ZNF468: variants seen among roughly 807,000 people sequenced by gnomAD.
ZNF468 encodes the protein zinc finger protein 468, also known as zinc finger protein ZNF468.
ZNF468 carries 8 observed loss-of-function variants against 7.2 expected under a neutral mutation model. The observed-to-expected ratio is 1.11, with a 90% CI of 0.65 to 2.01. The LOEUF (loss-of-function observed/expected upper bound fraction) is 2.01. Ranked by LOEUF, ZNF468 falls within the 30% of genes most tolerant of loss-of-function variation. ZNF468 has a pLI of 0.00. For missense variants in ZNF468, 608 were observed against 626.5 expected, an observed-to-expected ratio of 0.97 and a Z score of 0.31; for synonymous variants, 218 against 214.4, an observed-to-expected ratio of 1.02 and a Z score of -0.15.
At position 52,841,488 on chromosome 19, in the gene ZNF468, T is replaced by C. The variant is rs2063299627; in HGVS notation, c.806A>G (p.Lys269Arg). 6.2e-7 allele frequency: 1 copy of C among 1,613,776 alleles called. No individual in the cohort carries two copies. Among genetic ancestry groups the C allele is most frequent in the East Asian group, 2.2e-5 (1 of 44,878 alleles). The stretch of plus-strand genomic sequence containing the variant: ...GCCACACTCATTACACTTGTAAGGT[T>C]TCTCACCAGTGTGACATCTACGATG... ...ACHRRCHTGE[K>R]PYKCNECGKT... The change falls in exon 4 of 4, where the codon AAA becomes AGA. Residue 269 changes from lysine (K) to arginine (R), a missense_variant. Transcript: ENST00000595646.
chr19:52,852,834 T>TA (rs201729526), intron 2 of ZNF468, among the ~76,000 whole-genome samples: 2 of 149,228 alleles, frequency 1.3e-5, no homozygotes, highest in East Asian at 2.0e-4. Flanking sequence ...AAAAAATATA[T>TA]AAAATTTTTT....
chr19:52,842,391 AAC>A lies in ZNF468; in HGVS notation c.143-242_143-241del, dbSNP rs573937131. On this transcript the variant is annotated intron_variant, in intron 3 of 3. Coordinates refer to ENST00000595646, the MANE Select transcript of ZNF468 (RefSeq NM_001008801.2). ...CATGACAAAACACTGACAGGGCACA[AAC>A]ACGTGTGAGTCTAAAGAAAGGAGTG... Among the ~76,000 whole-genome samples the A allele has an allele frequency of 5.5e-3, 835 of 152,270 alleles. 10 individuals are homozygous for A. The highest frequency in any genetic ancestry group is 0.019 in the African/African-American group (801 of 41,546).
chr19:52,851,378 C>T (rs1159881550), intron 2 of ZNF468, among the ~76,000 whole-genome samples: 1 of 152,072 alleles, frequency 6.6e-6, no homozygotes, highest in Non-Finnish European at 1.5e-5. Context: ...AAATGGAAAC[C>T]ATCTTGGCTA....
Position 52,840,940 on chromosome 19 carries a change from A to C in ZNF468, c.1354T>G (p.Ser452Ala). Residue 452 changes from serine (S) to alanine (A), a missense_variant, in exon 4 of 4, where the codon TCA becomes GCA. By Grantham distance (99) the Ser-to-Ala change is moderately conservative. Transcript: ENST00000595646. ...KVCDKAFQRD[S>A]HLAQHQRVHT... is the part of the protein sequence containing the mutation. Reference sequence around the variant, plus strand: ...ACTCTCTGATGTTGTGCCAGGTGTGAATCCCTCTGGAAAGCCTTGTCACAA... The same window carrying C: ...ACTCTCTGATGTTGTGCCAGGTGTGCATCCCTCTGGAAAGCCTTGTCACAA... 1 of 1,613,816 alleles carries C rather than the reference A, an allele frequency of 6.2e-7. No homozygotes were observed. The highest frequency in any genetic ancestry group is 8.5e-7 in the Non-Finnish European group (1 of 1,179,920).
chr19:52,840,834 C>T lies in ZNF468; in HGVS notation c.1460G>A (p.Arg487Lys). 1 of 1,595,514 alleles carries T rather than the reference C, an allele frequency of 6.3e-7. No homozygotes were observed. The highest frequency in any genetic ancestry group is 2.3e-5 in the East Asian group (1 of 44,196). ...GTAAGGTTTCTCTCCAGTATGAAGC[C>T]TACGATGGATTATAAGCGATGATGT... Reference protein sequence around the residue: ...GQTSSLIIHRRLHTGEKPYKC... With the variant: ...GQTSSLIIHRKLHTGEKPYKC... The change falls in exon 4 of 4, where the codon AGG becomes AAG. Residue 487 changes from arginine to lysine, a missense_variant. Physicochemically the swap from Arg to Lys is conservative, Grantham distance 26. Coordinates refer to ENST00000595646, the MANE Select transcript of ZNF468 (RefSeq NM_001008801.2).
In ZNF468 at chr19:52,841,242, C is replaced by T. The variant is rs758136537; in HGVS notation, c.1052G>A (p.Gly351Glu). 2.2e-5 allele frequency: 36 copies of T among 1,613,700 alleles called. 1 individual carries two copies. The South Asian group carries it at 3.7e-4, about 17-fold the overall frequency. Residue 351 changes from glycine (G) to glutamate (E), a missense_variant, in exon 4 of 4, where the codon GGA becomes GAA. Transcript: ENST00000595646. ...TTCATTACATGTGTAAGGTTTCTCT[C>T]CAGTGTGAAGTATAGTATGTTTTGC... The part of the protein sequence containing the change: ...YLAKHTILHT[G>E]EKPYTCNECG...
intron 1 of ZNF468, among the ~76,000 whole-genome samples, chr19:52,856,910 C>T (rs932551605): frequency 2.0e-5 from 3 of 152,130 alleles, no homozygotes; most frequent in Non-Finnish European, 4.4e-5. Context: ...TCTCCTGATC[C>T]CTTTGGCCCA....
intron 2 of ZNF468, among the ~76,000 whole-genome samples, chr19:52,850,798 C>T (rs1172743449): frequency 6.6e-6 from 1 of 151,792 alleles, no homozygotes; most frequent in Non-Finnish European, 1.5e-5. Context: ...ACTCGGGAGG[C>T]TGAGGCAGGA....
Position 52,842,096 on chromosome 19 carries a change from T to C in ZNF468, c.198A>G (p.Thr66=). The change falls in exon 4 of 4, where the codon ACA becomes ACG. Residue 66 remains threonine (T), a synonymous_variant. Transcript: ENST00000595646. ...KTLSSTGQGN[T]EVIHTGTLHR... ...GCAATGTCCCTGTGTGGATCACTTC[T>C]GTATTGCCTTGCCCTGTTGACGACA... is the stretch of plus-strand genomic sequence containing the variant. 1.9e-6 allele frequency: 3 copies of C among 1,610,798 alleles called. No individual in the cohort carries two copies. The highest frequency in any genetic ancestry group is 1.7e-6 in the Non-Finnish European group (2 of 1,178,352).
Position 52,838,705 on chromosome 19 carries a change from A to C in ZNF468, c.*2020T>G, listed in dbSNP as rs1042112192. 1 of 152,222 alleles carries C rather than the reference A, an allele frequency of 6.6e-6. No homozygotes were observed. The highest frequency in any genetic ancestry group is 1.5e-5 in the Non-Finnish European group (1 of 68,032). The allele number at this position is 152,222 out of a possible 1,614,324, so 9.4% of individuals were successfully genotyped here. ...GAATTTCCATACATTAACAATAAAT[A>C]ATTTTAAAAGAAAATTAAAAACCAA... On this transcript the variant is annotated 3_prime_UTR_variant, in exon 4 of 4. Transcript: ENST00000595646.
At chr19:52,847,747 T>C (rs1017626506) in intron 3 of ZNF468, among the ~76,000 whole-genome samples, 7 of 150,500 alleles carry the variant, frequency 4.7e-5, no homozygotes. Flanking sequence ...ACACAGTACC[T>C]TTCCTTGAAC....
chr19:52,854,109 T>TAAGCG, intron 2 of ZNF468, 149 bp downstream of exon 2: 1 of 1,567,344 alleles, frequency 6.4e-7, no homozygotes, highest in Non-Finnish European at 8.7e-7. Context: ...AGACGGAACC[T>TAAGCG]AAGCGAGATG....
intron 2 of ZNF468, among the ~76,000 whole-genome samples, chr19:52,851,648 A>C (rs2063390776): frequency 6.6e-6 from 1 of 151,114 alleles, no homozygotes; most frequent in Admixed American, 6.6e-5. Context: ...GGCAGAGGTC[A>C]GGATGGCTTC....
intron 2 of ZNF468, chr19:52,853,868 T>C: frequency 1.6e-6 from 2 of 1,244,904 alleles, no homozygotes; most frequent in Non-Finnish European, 1.0e-6. Context: ...TTTCTAGAAC[T>C]TACCACGTAC....
chr19:52,854,184 G>C (rs1259461994), intron 2 of ZNF468, 74 bp downstream of exon 2: 1 of 1,611,152 alleles, frequency 6.2e-7, no homozygotes, highest in Non-Finnish European at 8.5e-7. Context: ...TTCAGACCCA[G>C]ACATTCCCAA....
chr19:52,855,178 G>GAA (rs66547173), intron 1 of ZNF468, among the ~76,000 whole-genome samples: 2,150 of 128,556 alleles, frequency 0.017, 57 homozygotes, highest in African/African-American at 0.053. Context: ...GAGTCTGTTT[G>GAA]AAAAAAAAAA....
Position 52,841,664 on chromosome 19 carries a change from CAT to C in ZNF468, c.628_629del (p.Met210GlufsTer6), listed in dbSNP as rs1278838485. On this transcript the variant is annotated frameshift_variant, in exon 4 of 4. Coordinates refer to ENST00000595646, the MANE Select transcript of ZNF468 (RefSeq NM_001008801.2). LOFTEE classifies it low-confidence loss of function (END_TRUNC). ...SLLTQKWEVHMREKSFECIQS... is the reference protein window; with the variant it reads ...SLLTQKWEVHXREKSFECIQS... ...GTATACATTCAAAAGATTTTTCTCT[CAT>C]GTGTACTTCCCATTTTTGTGTGAGT... 5 of 1,613,952 alleles carry C rather than the reference CAT, an allele frequency of 3.1e-6. No individual in the cohort carries two copies. Among genetic ancestry groups the C allele is most frequent in the Non-Finnish European group, 3.4e-6 (4 of 1,180,022 alleles).
At position 52,838,617 on chromosome 19, in the gene ZNF468, A is replaced by C. The variant is rs541634275; in HGVS notation, c.*2108T>G. ...ATCACAAAGAGTCAGCCAAAATGCA[A>C]CTGGAACTAACAAACACATTCAGTT... is the stretch of plus-strand genomic sequence containing the variant. On this transcript the variant is annotated 3_prime_UTR_variant, in exon 4 of 4. Coordinates refer to ENST00000595646, the MANE Select transcript of ZNF468 (RefSeq NM_001008801.2). 1 of 152,330 alleles carries C rather than the reference A, an allele frequency of 6.6e-6. No homozygotes were observed. The highest frequency in any genetic ancestry group is 6.5e-5 in the Admixed American group (1 of 15,304). 9.4% of individuals were successfully genotyped at this position (152,330 alleles called of 1,614,324 possible).
At chr19:52,854,224 G>A (rs1383607964) in intron 2 of ZNF468, 34 bp downstream of exon 2, 1 of 1,613,710 alleles carries the variant, frequency 6.2e-7, no homozygotes. Flanking sequence ...TGAAAGGAAG[G>A]AGACAGAACA....
Sources: allele counts gnomAD v4.1 joint callset (sites outside exome capture counted in the v4.1 genomes callset), GRCh38; gene constraint gnomAD v4.1.1; transcripts MANE v1.5; gene names NCBI Gene and HGNC (gene_info 2026-07-23, HGNC 2026-07-21).